RIMS3: variants seen among roughly 807,000 people sequenced by gnomAD.
The protein encoded by RIMS3 is regulating synaptic membrane exocytosis 3, also known as regulating synaptic membrane exocytosis protein 3.
Under a neutral mutation model 29.2 loss-of-function variants are expected in RIMS3, and 15 were observed. That is an observed-to-expected ratio of 0.51 (90% confidence interval 0.34 to 0.79). The LOEUF is 0.79. Among genes scored for constraint, RIMS3 ranks in the 30% least tolerant of loss-of-function variants. RIMS3 has a pLI of 0.01. For missense variants in RIMS3, 342 were observed against 421.4 expected (o/e 0.81, Z 1.65); for synonymous variants, 161 against 170.1 (o/e 0.95, Z 0.41).
chr1:40,640,070 C>G (rs554831936), intron 3 of RIMS3, among the ~76,000 whole-genome samples: 1 of 152,174 alleles, frequency 6.6e-6, no homozygotes. Context: ...AGACTGTCCC[C>G]CCAAATCACT....
At chr1:40,690,819 C>G in the RIMS3 span, 99,352 of 152,082 alleles carry the variant, frequency 0.65, 32,699 homozygotes, top group African/African-American at 0.72. Context: ...TTCAAGGTTA[C>G]CATCAGCAGA....
Position 40,649,232 on chromosome 1 carries a change from C to CA in RIMS3, c.-206-1391dup, listed in dbSNP as rs149827613. On this transcript the variant is annotated intron_variant, in intron 1 of 7. Transcript: ENST00000372684. ...GTGCACACACACATGCAGGAAGAGACATGGGGCACAGAATTCCAAATGTGT... is the reference window on the plus strand; with the variant it reads ...GTGCACACACACATGCAGGAAGAGACAATGGGGCACAGAATTCCAAATGTGT... 9.5e-3 allele frequency among the ~76,000 whole-genome samples: 1,450 copies of CA among 152,276 alleles called. 15 individuals are homozygous for CA. The highest frequency in any genetic ancestry group is 0.042 in the South Asian group (205 of 4,830).
At chr1:40,659,467 G>A in intron 1 of RIMS3, among the ~76,000 whole-genome samples, 1 of 152,142 alleles carries the variant, frequency 6.6e-6, no homozygotes, top group East Asian at 1.9e-4. Flanking sequence ...GAAAAGGCAG[G>A]CCTGGAGGCA....
Position 40,629,223 on chromosome 1 carries a change from C to T in RIMS3, c.574+48G>A, listed in dbSNP as rs761427208. The T allele has an allele frequency of 2.1e-5, 32 of 1,496,258 alleles. No homozygotes were observed. In the Middle Eastern group the frequency reaches 1.5e-3, roughly 72 times the overall value. 92.7% of individuals were successfully genotyped at this position (1,496,258 alleles called of 1,614,324 possible). On this transcript the variant is annotated intron_variant, in intron 6 of 7. Coordinates refer to ENST00000372684, the MANE Select transcript of RIMS3 (RefSeq NM_014747.3). ...CTGAGGACCTGCTAGACCCAGAGCT[C>T]GGCTCTATGCCCCTCCCTGTCAGGA...
chr1:40,685,478 G>A, the RIMS3 span, among the ~76,000 whole-genome samples: 4 of 151,528 alleles, frequency 2.6e-5, no homozygotes, highest in South Asian at 4.2e-4. Flanking sequence ...AAGGACAGAG[G>A]GAAGGTGTTC....
chr1:40,689,342 C>T, the RIMS3 span, among the ~76,000 whole-genome samples: 6 of 152,056 alleles, frequency 3.9e-5, no homozygotes, highest in Non-Finnish European at 7.4e-5. Flanking sequence ...AGTGCAGTGG[C>T]GTGATATTTG....
chr1:40,675,870 G>A, the RIMS3 span, among the ~76,000 whole-genome samples: 4 of 152,078 alleles, frequency 2.6e-5, no homozygotes, highest in African/African-American at 4.8e-5. Flanking sequence ...AGAGGTTGCA[G>A]TGAGTGATGA....
At chr1:40,637,787 C>T (rs1398913965) in intron 3 of RIMS3, among the ~76,000 whole-genome samples, 1 of 152,130 alleles carries the variant, frequency 6.6e-6, no homozygotes, top group Non-Finnish European at 1.5e-5. Context: ...TGATGAAAAC[C>T]CACAAATGGT....
At chr1:40,666,990 A>G (rs1205548148), upstream of RIMS3, among the ~76,000 whole-genome samples, 1 of 152,122 alleles carries the variant, frequency 6.6e-6, no homozygotes, top group Admixed American at 6.5e-5. Flanking sequence ...GCACCACTGC[A>G]CTCCAGCCTG....
intron 1 of RIMS3, among the ~76,000 whole-genome samples, chr1:40,658,851 T>C (rs1428078399): frequency 6.6e-6 from 1 of 152,228 alleles, no homozygotes; most frequent in Non-Finnish European, 1.5e-5. Flanking sequence ...TCTGTCCTTG[T>C]AATAAGCCCT....
chr1:40,671,393 G>A, the RIMS3 span, among the ~76,000 whole-genome samples: 206 of 152,350 alleles, frequency 1.4e-3, no homozygotes, highest in Non-Finnish European at 2.2e-3. Flanking sequence ...ATATGGTTTG[G>A]ATCTGTGTTC....
At chr1:40,632,278 G>A (rs1178150553) in intron 5 of RIMS3, among the ~76,000 whole-genome samples, 4 of 151,852 alleles carry the variant, frequency 2.6e-5, no homozygotes, top group Non-Finnish European at 5.9e-5. Flanking sequence ...CAGTGGGCCC[G>A]TAAGATTATA....
At chr1:40,643,480 T>C (rs545118898) in intron 2 of RIMS3, among the ~76,000 whole-genome samples, 36 of 147,286 alleles carry the variant, frequency 2.4e-4, no homozygotes, top group Admixed American at 8.1e-4. Flanking sequence ...CTTTCTCTCT[T>C]TTTTTTTTTT....
At chr1:40,640,628 C>T (rs1646549701) in intron 3 of RIMS3, among the ~76,000 whole-genome samples, 1 of 152,080 alleles carries the variant, frequency 6.6e-6, no homozygotes, top group Admixed American at 6.5e-5. Context: ...ACAAAACCAG[C>T]TGGTGTCTGG....
intron 1 of RIMS3, among the ~76,000 whole-genome samples, chr1:40,652,735 C>A (rs1642200725): frequency 6.6e-6 from 1 of 152,206 alleles, no homozygotes; most frequent in African/African-American, 2.4e-5. Context: ...GGCTTTCATC[C>A]TGTAGGAGTG....
chr1:40,669,929 T>C (rs1642470668), upstream of RIMS3, among the ~76,000 whole-genome samples: 2 of 152,178 alleles, frequency 1.3e-5, no homozygotes, highest in African/African-American at 4.8e-5. Context: ...TCCTCACTTC[T>C]ATCCACTTAA....
At chr1:40,650,041 G>A (rs1297457340) in intron 1 of RIMS3, among the ~76,000 whole-genome samples, 2 of 152,280 alleles carry the variant, frequency 1.3e-5, no homozygotes, top group Non-Finnish European at 2.9e-5. Flanking sequence ...CACCACATGG[G>A]CCCTAGATAC....
the RIMS3 span, among the ~76,000 whole-genome samples, chr1:40,672,985 A>G: frequency 1.3e-5 from 2 of 152,106 alleles, no homozygotes; most frequent in Non-Finnish European, 2.9e-5. Flanking sequence ...TTCAAGACCA[A>G]TCTGACCAAC....
chr1:40,643,579 C>T (rs1393278915), intron 2 of RIMS3, among the ~76,000 whole-genome samples: 1 of 150,224 alleles, frequency 6.7e-6, no homozygotes, highest in Non-Finnish European at 1.5e-5. Flanking sequence ...CAGGTTCAAG[C>T]GAATCTGGTA....
Sources: allele counts gnomAD v4.1 joint callset (sites outside exome capture counted in the v4.1 genomes callset), GRCh38; gene constraint gnomAD v4.1.1; transcripts MANE v1.5; gene names NCBI Gene and HGNC (gene_info 2026-07-23, HGNC 2026-07-21).